Variants in UBE2F observed in about 807,000 individuals in gnomAD.
UBE2F encodes ubiquitin conjugating enzyme E2 F (putative).
Under a neutral mutation model 29.6 loss-of-function variants are expected in UBE2F, and 5 were observed. That is an observed-to-expected ratio of 0.17 (90% CI 0.09 to 0.36). The LOEUF is 0.36. Among genes scored for constraint, UBE2F ranks in the 10% least tolerant of loss-of-function variants. UBE2F has a pLI of 1.00. For synonymous variants in UBE2F, 66 were observed against 81.8 expected (o/e 0.81, Z 1.04); for missense variants, 141 against 228.5 (o/e 0.62, Z 2.47).
At chr2:238,029,803 C>T (rs2064529906) in intron 6 of UBE2F, among the ~76,000 whole-genome samples, 1 of 152,216 alleles carries the variant, frequency 6.6e-6, no homozygotes, top group South Asian at 2.1e-4. Context: ...CAGGGATGCT[C>T]TCTTCACGGG....
rs1170032066 is a variant in UBE2F at position 237,982,062 on chromosome 2, ACAATTTATTGAAT to A, written c.119-5898_119-5886del. ...TGGATCCATAGCTCCAAAATGTACT[ACAATTTATTGAAT>A]CATTTACTTAAAATGGGTCTATTTG... is the stretch of plus-strand genomic sequence containing the variant. On this transcript the variant is annotated intron_variant, in intron 2 of 9. Transcript: ENST00000272930. The surrounding 1 kb of genome is among the most constrained non-coding windows in gnomAD (Gnocchi z 4.1). Among the ~76,000 whole-genome samples, 1 of 152,162 alleles carries A rather than the reference ACAATTTATTGAAT, an allele frequency of 6.6e-6. No homozygotes were observed. Among genetic ancestry groups the A allele is most frequent in the Non-Finnish European group, 1.5e-5 (1 of 68,022 alleles).
rs552805160 is a variant in UBE2F, at chr2:237,982,874, G to C, written c.119-5089G>C. On this transcript the variant is annotated intron_variant, in intron 2 of 9. Transcript: ENST00000272930. The surrounding 1 kb of genome is among the most constrained non-coding windows in gnomAD (Gnocchi z 4.1). ...CCATCCTCTGCCTTTCCCATACATT[G>C]CTCTAAGGAAGGGCAAAATCTGGCC... 2.6e-5 allele frequency among the ~76,000 whole-genome samples: 4 copies of C among 152,218 alleles called. No homozygotes were observed. The South Asian group carries it at 6.2e-4, about 24-fold the overall frequency.
intron 2 of UBE2F, chr2:237,986,085 T>C (rs756858162): frequency 2.5e-5 from 8 of 320,382 alleles, no homozygotes; most frequent in Non-Finnish European, 4.9e-5. Context: ...TTAATCTGTT[T>C]GTCGAATATA....
At chr2:237,978,585 A>G (rs2063327597) in intron 2 of UBE2F, among the ~76,000 whole-genome samples, 1 of 152,212 alleles carries the variant, frequency 6.6e-6, no homozygotes, top group Non-Finnish European at 1.5e-5. Context: ...CTCCCCGCTC[A>G]GCCACACCCA....
At chr2:238,004,210 A>G (rs974747022) in intron 4 of UBE2F, among the ~76,000 whole-genome samples, 1 of 152,164 alleles carries the variant, frequency 6.6e-6, no homozygotes, top group African/African-American at 2.4e-5. Flanking sequence ...TAGCTGCACT[A>G]TTTTGCATTC....
At chr2:238,010,411 TC>T (rs2063997484) in intron 4 of UBE2F, among the ~76,000 whole-genome samples, 1 of 152,238 alleles carries the variant, frequency 6.6e-6, no homozygotes, top group East Asian at 1.9e-4. Flanking sequence ...GACCTTGTGA[TC>T]CGCCTGCCTT....
intron 1 of UBE2F, among the ~76,000 whole-genome samples, chr2:237,970,800 C>T (rs760261278): frequency 2.0e-5 from 3 of 152,224 alleles, no homozygotes; most frequent in African/African-American, 4.8e-5. Context: ...CTCCACCTCC[C>T]GGGTTCAACC....
intron 2 of UBE2F, among the ~76,000 whole-genome samples, chr2:237,977,286 TCCTC>T (rs1451835396): frequency 5.3e-5 from 8 of 152,156 alleles, no homozygotes. Context: ...ACCATTTCCA[TCCTC>T]CCCAGGCACT....
chr2:237,974,670 C>T (rs1355896987), intron 2 of UBE2F, among the ~76,000 whole-genome samples: 3 of 151,652 alleles, frequency 2.0e-5, no homozygotes, highest in Non-Finnish European at 2.9e-5. Context: ...CCTGCCACCA[C>T]GCCCAGCTAA....
At chr2:237,995,343 C>T (rs1391734867) in intron 4 of UBE2F, among the ~76,000 whole-genome samples, 2 of 152,204 alleles carry the variant, frequency 1.3e-5, no homozygotes, top group African/African-American at 4.8e-5. Flanking sequence ...CCCTAAGCTG[C>T]CCCAGCATGG....
rs189110605 is a variant in UBE2F at position 238,028,717 on chromosome 2, T to C, written c.354-1839T>C. 7.8e-4 allele frequency among the ~76,000 whole-genome samples: 119 copies of C among 152,356 alleles called. 1 individual carries two copies. The highest frequency in any genetic ancestry group is 2.7e-3 in the African/African-American group (112 of 41,592). ...TGCTCTTCACAGACAATTAAGATTA[T>C]AGCTTTGATTCAAACTCTACATATT... On this transcript the variant is annotated intron_variant, in intron 6 of 9. Transcript: ENST00000272930.
At position 237,988,378 on chromosome 2, in the gene UBE2F, G is replaced by A. The variant is rs539985837; in HGVS notation, c.148+386G>A. On this transcript the variant is annotated intron_variant, in intron 3 of 9. Transcript: ENST00000272930. ...CAGGAGAATCACTTGAACCTGGGAGGCAGAGGTTGCAGTGAGCTGAGATCA... is the reference window on the plus strand; with the variant it reads ...CAGGAGAATCACTTGAACCTGGGAGACAGAGGTTGCAGTGAGCTGAGATCA... Among the ~76,000 whole-genome samples the A allele has an allele frequency of 2.0e-5, 3 of 152,048 alleles. No individual in the cohort carries two copies. In the South Asian group the frequency reaches 6.2e-4, roughly 32 times the overall value.
At position 238,016,618 on chromosome 2, in the gene UBE2F, T is replaced by C. The variant is rs139771082; in HGVS notation, c.267T>C (p.Asp89=). The C allele has an allele frequency of 6.2e-7, 1 of 1,613,764 alleles. No individual in the cohort carries two copies. The highest frequency in any genetic ancestry group is 8.5e-7 in the Non-Finnish European group (1 of 1,179,828). Residue 89 remains aspartate, a synonymous_variant, in exon 5 of 10, where the codon GAT becomes GAC. Transcript: ENST00000272930. ...GKFQFETEVP[D]AYNMVPPKVK... is the part of the protein sequence containing the mutation. ...TTCAGTTTGAAACTGAAGTTCCCGA[T>C]GCGTACAACATGGTGGTGAGTAGCC...
At position 237,989,856 on chromosome 2, in the gene UBE2F, C is replaced by T. The variant is rs555858645; in HGVS notation, c.148+1864C>T. 5.3e-5 allele frequency among the ~76,000 whole-genome samples: 8 copies of T among 151,956 alleles called. No individual in the cohort carries two copies. The South Asian group carries it at 1.2e-3, about 24-fold the overall frequency. On this transcript the variant is annotated intron_variant, in intron 3 of 9. Transcript: ENST00000272930. The stretch of plus-strand genomic sequence containing the variant: ...CTTTCTGGCTGGGTGCAGTGGCTCA[C>T]GCCTATATTCCCAACACTTTGGGAG...
At chr2:237,981,139 A>G (rs140453477) in intron 2 of UBE2F, among the ~76,000 whole-genome samples, 269 of 152,282 alleles carry the variant, frequency 1.8e-3, no homozygotes, top group African/African-American at 6.2e-3. Context: ...TTTTAAAAGT[A>G]TCTTCATTTC....
At chr2:238,032,963 C>T (rs978382750) in intron 8 of UBE2F, among the ~76,000 whole-genome samples, 8 of 152,100 alleles carry the variant, frequency 5.3e-5, no homozygotes, top group African/African-American at 1.2e-4. Context: ...TGGCTGACCC[C>T]GGTTTCTAGG....
At chr2:237,977,032 G>A (rs11692346) in intron 2 of UBE2F, among the ~76,000 whole-genome samples, 10,961 of 152,122 alleles carry the variant, frequency 0.072, 432 homozygotes, top group African/African-American at 0.11. Context: ...GAGGCTCTGC[G>A]TCTCCATGTC....
At chr2:238,021,121 A>G (rs2064282292) in intron 5 of UBE2F, among the ~76,000 whole-genome samples, 1 of 152,186 alleles carries the variant, frequency 6.6e-6, no homozygotes. Flanking sequence ...AGAAAGGATT[A>G]CAGCTCTTTG....
intron 4 of UBE2F, among the ~76,000 whole-genome samples, chr2:238,007,895 G>A (rs2063940566): frequency 6.6e-6 from 1 of 152,084 alleles, no homozygotes; most frequent in African/African-American, 2.4e-5. Context: ...TCTGGTCTTT[G>A]AATGCATTTG....
Sources: allele counts gnomAD v4.1 joint callset (sites outside exome capture counted in the v4.1 genomes callset), GRCh38; gene constraint gnomAD v4.1.1; non-coding constraint Gnocchi (gnomAD v3.1); transcripts MANE v1.5; gene names NCBI Gene and HGNC (gene_info 2026-07-23, HGNC 2026-07-21).